The following PTPRT variants were observed in gnomAD, a reference collection of about 807,000 sequenced individuals.
PTPRT encodes receptor-type tyrosine-protein phosphatase T.
A neutral mutation model predicts 176.8 loss-of-function variants in PTPRT; 56 were observed. That is an observed-to-expected ratio of 0.32 (90% CI 0.26 to 0.40). The LOEUF (loss-of-function observed/expected upper bound fraction) is 0.40, where lower values mean the gene tolerates loss of function less well. Among genes scored for constraint, PTPRT ranks in the 10% least tolerant of loss-of-function variants. PTPRT has a pLI of 1.00. For missense variants in PTPRT, 1,540 were observed against 1,908.2 expected (o/e 0.81, Z 3.60); for synonymous variants, 783 against 739.0 (o/e 1.06, Z -0.96).
intron 6 of PTPRT, among the ~76,000 whole-genome samples, chr20:42,691,730 A>C (rs2075797046): frequency 6.6e-6 from 1 of 152,122 alleles, no homozygotes; most frequent in Non-Finnish European, 1.5e-5. Flanking sequence ...GGACTTCGAA[A>C]CAACACAATT....
At position 42,883,717 on chromosome 20, in the gene PTPRT, C is replaced by CAT. The variant is rs879648170; in HGVS notation, c.214+2089_214+2090insAT. Among the ~76,000 whole-genome samples the CAT allele has an allele frequency of 7.0e-3, 955 of 136,688 alleles. 16 individuals carry two copies. Among genetic ancestry groups the CAT allele is most frequent in the Middle Eastern group, 0.039 (9 of 230 alleles). 89.7% of individuals were successfully genotyped at this position (136,688 alleles called of 152,430 possible). A position where few individuals can be genotyped will look rare whatever the true frequency, so the allele number is the denominator to read the frequency against. ...CACCTCCCATACACCCCCATACACA[C>CAT]ACACCCATACACCCCCATACACTCT... On this transcript the variant is annotated intron_variant, in intron 2 of 30. Coordinates refer to ENST00000373187, the MANE Select transcript of PTPRT (RefSeq NM_007050.6).
intron 28 of PTPRT, 119 bp downstream of exon 28, chr20:42,085,609 A>C: frequency 9.1e-6 from 13 of 1,433,174 alleles, no homozygotes; most frequent in South Asian, 2.6e-5. Context: ...TCCTCAAGGA[A>C]GAAATTATCA....
intron 7 of PTPRT, among the ~76,000 whole-genome samples, chr20:42,568,759 A>T (rs894773375): frequency 6.6e-6 from 1 of 151,850 alleles, no homozygotes; most frequent in African/African-American, 2.4e-5. Context: ...TGGGAATAAG[A>T]ATTATTTCGG....
chr20:43,099,843 A>G (rs116071038), intron 1 of PTPRT, among the ~76,000 whole-genome samples: 4,395 of 152,134 alleles, frequency 0.029, 230 homozygotes, highest in African/African-American at 0.1. Context: ...TCTTCCTCGC[A>G]TGGTCATCAT....
At position 42,966,329 on chromosome 20, in the gene PTPRT, G is replaced by A. The variant is rs140131833; in HGVS notation, c.89-80397C>T. ...TTAATTAGCATGCCTGATGTTTAAC[G>A]AGGCTGGTAATATTTCATAAACTTA... On this transcript the variant is annotated intron_variant, in intron 1 of 30. Coordinates refer to ENST00000373187, the MANE Select transcript of PTPRT (RefSeq NM_007050.6). 7.9e-5 allele frequency: 12 copies of A among 152,216 alleles called. No individual in the cohort carries two copies. The East Asian group carries it at 9.6e-4, about 12-fold the overall frequency. 9.4% of individuals were successfully genotyped at this position (152,216 alleles called of 1,614,324 possible). A position where few individuals can be genotyped will look rare whatever the true frequency, so the allele number is the denominator to read the frequency against.
chr20:42,604,255 T>C (rs2073834060), intron 7 of PTPRT, among the ~76,000 whole-genome samples: 1 of 152,210 alleles, frequency 6.6e-6, no homozygotes, highest in Admixed American at 6.5e-5. Flanking sequence ...AACAGAGTCA[T>C]CTGGGGAAAA....
chr20:42,963,512 G>A (rs908039359), intron 1 of PTPRT, among the ~76,000 whole-genome samples: 1 of 151,778 alleles, frequency 6.6e-6, no homozygotes, highest in Non-Finnish European at 1.5e-5. Context: ...GGTCGTGAGT[G>A]CCCAAGCAAA....
chr20:42,889,698 G>A (rs1417850444), intron 1 of PTPRT, among the ~76,000 whole-genome samples: 1 of 152,216 alleles, frequency 6.6e-6, no homozygotes, highest in Non-Finnish European at 1.5e-5. Flanking sequence ...GCAAAGCAGG[G>A]AATTTCAAGG....
At chr20:42,066,538 A>G in the PTPRT span, among the ~76,000 whole-genome samples, 1 of 151,976 alleles carries the variant, frequency 6.6e-6, no homozygotes, top group Non-Finnish European at 1.5e-5. Context: ...TTTTATTTGC[A>G]TTGTTTTGGA....
At chr20:42,184,595 CTCT>C (rs1357403802) in intron 16 of PTPRT, among the ~76,000 whole-genome samples, 6 of 29,482 alleles carry the variant, frequency 2.0e-4, no homozygotes, top group East Asian at 1.2e-3. Flanking sequence ...CTTCTTCTTC[CTCT>C]TCTTCTTCTT....
intron 1 of PTPRT, among the ~76,000 whole-genome samples, chr20:43,001,685 A>G (rs2146130518): frequency 6.6e-6 from 1 of 152,304 alleles, no homozygotes; most frequent in South Asian, 2.1e-4. Flanking sequence ...TTCTAAGAAA[A>G]TGAAAGCAGA....
intron 9 of PTPRT, among the ~76,000 whole-genome samples, chr20:42,397,062 T>C (rs1348128894): frequency 6.6e-6 from 1 of 152,254 alleles, no homozygotes; most frequent in East Asian, 1.9e-4. Context: ...TCTGATTTAC[T>C]ATATATTCAT....
chr20:42,570,268 C>T (rs897357301), intron 7 of PTPRT, among the ~76,000 whole-genome samples: 1 of 152,274 alleles, frequency 6.6e-6, no homozygotes, highest in African/African-American at 2.4e-5. Context: ...CCGCCGTGTC[C>T]CTGCTGAGTA....
chr20:42,394,866 T>G (rs1442841873), intron 9 of PTPRT, among the ~76,000 whole-genome samples: 1 of 152,172 alleles, frequency 6.6e-6, no homozygotes, highest in African/African-American at 2.4e-5. Flanking sequence ...TTTTACAGAA[T>G]CCTCTGAAAC....
chr20:42,428,208 G>C (rs531000964), intron 9 of PTPRT, among the ~76,000 whole-genome samples: 2 of 152,298 alleles, frequency 1.3e-5, no homozygotes, highest in East Asian at 1.9e-4. Flanking sequence ...CATGCCAAAG[G>C]GTTCCATAGA....
intron 11 of PTPRT, among the ~76,000 whole-genome samples, chr20:42,345,821 T>C (rs1243333750): frequency 1.3e-5 from 2 of 151,932 alleles, no homozygotes; most frequent in African/African-American, 2.4e-5. Context: ...TAGGTCACTG[T>C]TGAGTAAAAC....
chr20:42,213,443 G>A (rs561502460), intron 15 of PTPRT, among the ~76,000 whole-genome samples: 1 of 152,252 alleles, frequency 6.6e-6, no homozygotes, highest in Admixed American at 6.5e-5. Flanking sequence ...GGCAACAACT[G>A]ATGCTTTTAA....
chr20:43,003,981 T>C (rs938121784), intron 1 of PTPRT, among the ~76,000 whole-genome samples: 4 of 152,188 alleles, frequency 2.6e-5, no homozygotes, highest in African/African-American at 4.8e-5. Flanking sequence ...AATGTGACAA[T>C]AGTTTATTGC....
At chr20:42,764,855 C>T (rs1434539023) in intron 5 of PTPRT, among the ~76,000 whole-genome samples, 1 of 152,140 alleles carries the variant, frequency 6.6e-6, no homozygotes, top group Admixed American at 6.5e-5. Flanking sequence ...AACAGAAATG[C>T]CACACAGAAG....
Sources: allele counts gnomAD v4.1 joint callset (sites outside exome capture counted in the v4.1 genomes callset), GRCh38; gene constraint gnomAD v4.1.1; transcripts MANE v1.5; gene names NCBI Gene and HGNC (gene_info 2026-07-23, HGNC 2026-07-21).